The following SACM1L variants were observed in gnomAD, a reference collection of about 807,000 sequenced individuals.
The protein encoded by SACM1L is phosphatidylinositol-3-phosphatase SAC1.
In SACM1L, 32 loss-of-function variants were observed where a neutral mutation model predicts 89.5. The observed-to-expected ratio is 0.36, with a 90% CI of 0.27 to 0.48. SACM1L has a LOEUF of 0.48. Ranked by LOEUF, SACM1L falls within the 20% of genes least tolerant of loss-of-function variation. The pLI is 0.99. For synonymous variants in SACM1L, 213 were observed against 232.8 expected (o/e 0.92, Z 0.77); for missense variants, 543 against 708.5 (o/e 0.77, Z 2.65).
intron 2 of SACM1L, among the ~76,000 whole-genome samples, 169 bp from the exon 3 acceptor site, chr3:45,704,966 A>G (rs761629662): frequency 6.6e-6 from 1 of 152,246 alleles, no homozygotes; most frequent in Non-Finnish European, 1.5e-5. Flanking sequence ...TCCAGTTTAC[A>G]TAACTTATAG....
intron 12 of SACM1L, 72 bp downstream of exon 12, chr3:45,731,452 G>GTA: frequency 1.1e-6 from 1 of 909,094 alleles, no homozygotes; most frequent in Non-Finnish European, 1.7e-6. Flanking sequence ...TGATTACATA[G>GTA]AGCTCACTAG....
chr3:45,711,794 AC>A (rs1368737643), intron 5 of SACM1L, among the ~76,000 whole-genome samples: 1 of 152,204 alleles, frequency 6.6e-6, no homozygotes, highest in Non-Finnish European at 1.5e-5. Flanking sequence ...TGTGTAAATT[AC>A]ATCCATAGGG....
intron 11 of SACM1L, among the ~76,000 whole-genome samples, chr3:45,731,066 CT>C (rs1699042918): frequency 6.6e-6 from 1 of 152,222 alleles, no homozygotes; most frequent in African/African-American, 2.4e-5. Flanking sequence ...TGCCACAAAA[CT>C]TTCCCACCAT....
chr3:45,694,728 A>T (rs1440810079), intron 1 of SACM1L, among the ~76,000 whole-genome samples: 2 of 152,152 alleles, frequency 1.3e-5, no homozygotes, highest in African/African-American at 4.8e-5. Context: ...GGTAGTTTTT[A>T]TGCACTCTGA....
At chr3:45,698,695 C>T (rs1000873103) in intron 1 of SACM1L, among the ~76,000 whole-genome samples, 24 of 152,256 alleles carry the variant, frequency 1.6e-4, no homozygotes, top group Admixed American at 9.8e-4. Flanking sequence ...GGATTACAGG[C>T]GCCTGCCACC....
At chr3:45,716,310 C>T (rs1465197347) in intron 7 of SACM1L, among the ~76,000 whole-genome samples, 5 of 152,068 alleles carry the variant, frequency 3.3e-5, no homozygotes, top group Non-Finnish European at 7.4e-5. Flanking sequence ...CCTGTCTCTA[C>T]AAAAATTTTT....
chr3:45,705,936 T>G (rs1474264810), intron 3 of SACM1L, among the ~76,000 whole-genome samples: 2 of 152,210 alleles, frequency 1.3e-5, no homozygotes, highest in African/African-American at 4.8e-5. Flanking sequence ...TTGTTTAGAT[T>G]TAATTTGATT....
intron 8 of SACM1L, among the ~76,000 whole-genome samples, chr3:45,719,972 T>G (rs1437731070): frequency 6.6e-6 from 1 of 152,220 alleles, no homozygotes; most frequent in Non-Finnish European, 1.5e-5. Flanking sequence ...GCTTTGTGCC[T>G]TCAACTTTGT....
chr3:45,690,046 T>G (rs1697934012), intron 1 of SACM1L: 1 of 153,240 alleles, frequency 6.5e-6, no homozygotes, highest in Admixed American at 6.5e-5. Flanking sequence ...TTTACTTTGG[T>G]TTAAATTTTA....
chr3:45,737,934 C>T (rs887633044), intron 16 of SACM1L, 90 bp downstream of exon 16: 2 of 963,076 alleles, frequency 2.1e-6, no homozygotes, highest in African/African-American at 1.6e-5. Context: ...CAGACAGCAG[C>T]AGCAACAACA....
chr3:45,714,144 G>C (rs6764981), intron 7 of SACM1L, 65 bp downstream of exon 7: 123,595 of 957,962 alleles, frequency 0.13, 8,374 homozygotes, highest in African/African-American at 0.2. Flanking sequence ...TTATAAGGCA[G>C]ATTTAGAGAT....
chr3:45,721,980 T>C lies in SACM1L; in HGVS notation c.680-20T>C. 1 of 1,554,612 alleles carries C rather than the reference T, an allele frequency of 6.4e-7. No homozygotes were observed. On this transcript the variant is annotated intron_variant, in intron 8 of 19. Transcript: ENST00000389061. ...TTTGTGTAATCAGTATAGTTAATTC[T>C]TAATTTTTTTTCTATTTAGGAATTG...
intron 4 of SACM1L, among the ~76,000 whole-genome samples, chr3:45,707,551 G>A (rs1432026056): frequency 6.6e-6 from 1 of 152,182 alleles, no homozygotes; most frequent in Non-Finnish European, 1.5e-5. Context: ...ATGGAGCATA[G>A]AAGAAGTAGC....
intron 19 of SACM1L, chr3:45,742,999 T>A (rs1399076446): frequency 6.6e-6 from 1 of 152,296 alleles, no homozygotes; most frequent in African/African-American, 2.4e-5. Context: ...TTTTGTTTTA[T>A]ATATTTGTGT....
intron 11 of SACM1L, chr3:45,730,523 A>G (rs1699026244): frequency 6.6e-6 from 1 of 152,170 alleles, no homozygotes; most frequent in Non-Finnish European, 1.5e-5. Context: ...TGAGAGAACA[A>G]CCCTGTCCCC....
chr3:45,733,132 C>A (rs375429691), intron 13 of SACM1L, among the ~76,000 whole-genome samples: 1 of 152,116 alleles, frequency 6.6e-6, no homozygotes, highest in African/African-American at 2.4e-5. Context: ...TAACTGCTGC[C>A]GTACAAGAGT....
chr3:45,731,622 T>C (rs1001138693), intron 12 of SACM1L, among the ~76,000 whole-genome samples: 1 of 152,182 alleles, frequency 6.6e-6, no homozygotes, highest in Non-Finnish European at 1.5e-5. Context: ...GGCTTTGTGC[T>C]CCAGAGAGTT....
chr3:45,722,097 T>C lies in SACM1L; in HGVS notation c.765+12T>C, dbSNP rs772066901. On this transcript the variant is annotated intron_variant, in intron 9 of 19. Coordinates refer to ENST00000389061, the MANE Select transcript of SACM1L (RefSeq NM_014016.5). ...CTTCGTTTGTACAGGCAAGTTGTTA[T>C]GTCTGTTAGGCAGTCAGCGAGTTGG... 1.9e-5 allele frequency: 30 copies of C among 1,565,144 alleles called. No homozygotes were observed. Among genetic ancestry groups the C allele is most frequent in the African/African-American group, 6.8e-5 (5 of 73,558 alleles).
At chr3:45,720,587 TC>T (rs1352904014) in intron 8 of SACM1L, among the ~76,000 whole-genome samples, 14 of 152,204 alleles carry the variant, frequency 9.2e-5, no homozygotes, top group Non-Finnish European at 1.9e-4. Flanking sequence ...TTCCTTTTTT[TC>T]CTTCATATCT....
Sources: gnomAD v4.1 joint callset for allele counts (sites outside exome capture counted in the v4.1 genomes callset) on GRCh38, gnomAD v4.1.1 for gene constraint, MANE v1.5 for transcripts, NCBI Gene and HGNC (gene_info 2026-07-23, HGNC 2026-07-21) for gene names.